Variants in BMAL2 observed in about 807,000 individuals in gnomAD.
The protein encoded by BMAL2 is basic helix-loop-helix ARNT-like protein 2.
At chr12:27,346,879 C>T in the BMAL2 span, among the ~76,000 whole-genome samples, 796 of 152,250 alleles carry the variant, frequency 5.2e-3, 6 homozygotes, top group African/African-American at 0.018. Flanking sequence ...AATAGGTTAA[C>T]GTCCTTCCTT....
chr12:27,366,621 G>A, the BMAL2 span, among the ~76,000 whole-genome samples: 1 of 152,030 alleles, frequency 6.6e-6, no homozygotes, highest in Middle Eastern at 3.4e-3. Flanking sequence ...AACCTCACTT[G>A]AGACAAAAAG....
the BMAL2 span, among the ~76,000 whole-genome samples, chr12:27,352,400 T>C: frequency 6.6e-6 from 1 of 152,200 alleles, no homozygotes; most frequent in African/African-American, 2.4e-5. Flanking sequence ...AAACTAGGCA[T>C]CGAAGGAACA....
chr12:27,402,719 A>T, the BMAL2 span: 1 of 1,523,738 alleles, frequency 6.6e-7, no homozygotes, highest in African/African-American at 1.4e-5. Flanking sequence ...TTACTAAGAC[A>T]TATTATTAAG....
the BMAL2 span, among the ~76,000 whole-genome samples, chr12:27,362,043 G>A: frequency 1.9e-4 from 29 of 151,864 alleles, no homozygotes; most frequent in African/African-American, 2.7e-4. Context: ...AAAAATCTTC[G>A]TTTTATTTCT....
the BMAL2 span, chr12:27,333,045 C>T: frequency 1.7e-6 from 2 of 1,197,504 alleles, no homozygotes; most frequent in Non-Finnish European, 2.1e-6. Context: ...AGCCGCGGGG[C>T]TGCGGAGCCG....
chr12:27,379,117 G>A, the BMAL2 span, among the ~76,000 whole-genome samples: 1 of 152,130 alleles, frequency 6.6e-6, no homozygotes, highest in South Asian at 2.1e-4. Context: ...AGCACAGTTT[G>A]GACAAGCTTA....
At chr12:27,379,285 A>G in the BMAL2 span, among the ~76,000 whole-genome samples, 6 of 152,230 alleles carry the variant, frequency 3.9e-5, no homozygotes, top group African/African-American at 1.4e-4. Flanking sequence ...ATTTCTTGAG[A>G]ATCATTTAGG....
At chr12:27,414,436 G>A in the BMAL2 span, among the ~76,000 whole-genome samples, 1 of 152,184 alleles carries the variant, frequency 6.6e-6, no homozygotes, top group Non-Finnish European at 1.5e-5. Context: ...TTAAGAGCAT[G>A]GAAGTCCTAT....
the BMAL2 span, chr12:27,385,627 T>G: frequency 9.6e-7 from 1 of 1,040,896 alleles, no homozygotes; most frequent in African/African-American, 1.6e-5. Flanking sequence ...GGAGGCAGAT[T>G]TTCTTCCATT....
At chr12:27,397,410 G>A in the BMAL2 span, among the ~76,000 whole-genome samples, 1 of 152,174 alleles carries the variant, frequency 6.6e-6, no homozygotes, top group African/African-American at 2.4e-5. Flanking sequence ...AATGATGAAA[G>A]CCTGTGGTTA....
chr12:27,403,589 T>C, the BMAL2 span: 3 of 1,215,414 alleles, frequency 2.5e-6, no homozygotes, highest in Non-Finnish European at 3.5e-6. Flanking sequence ...AATATCATAT[T>C]TATAAAATCA....
the BMAL2 span, among the ~76,000 whole-genome samples, chr12:27,340,586 G>A: frequency 4.0e-5 from 6 of 151,562 alleles, no homozygotes; most frequent in Non-Finnish European, 8.8e-5. Flanking sequence ...TTGGCTATTC[G>A]GGCTTTTTTT....
chr12:27,344,507 A>G, the BMAL2 span, among the ~76,000 whole-genome samples: 2 of 152,230 alleles, frequency 1.3e-5, no homozygotes, highest in African/African-American at 4.8e-5. Context: ...CCCACAGAGC[A>G]GGTTGTCAGT....
chr12:27,341,203 T>C, the BMAL2 span, among the ~76,000 whole-genome samples: 3,088 of 150,014 alleles, frequency 0.021, 65 homozygotes, highest in Non-Finnish European at 0.029. Flanking sequence ...AGGGGAATGC[T>C]GCCAGCTTTT....
At chr12:27,411,858 A>G in the BMAL2 span, among the ~76,000 whole-genome samples, 1 of 152,056 alleles carries the variant, frequency 6.6e-6, no homozygotes, top group East Asian at 1.9e-4. Flanking sequence ...ATATACTCCA[A>G]TTTATTTATT....
the BMAL2 span, among the ~76,000 whole-genome samples, chr12:27,385,297 G>A: frequency 6.6e-6 from 1 of 152,082 alleles, no homozygotes; most frequent in African/African-American, 2.4e-5. Context: ...CTGGGCAACA[G>A]AGTAAGACTC....
chr12:27,368,320 T>C, the BMAL2 span: 1 of 1,614,046 alleles, frequency 6.2e-7, no homozygotes, highest in Non-Finnish European at 8.5e-7. Flanking sequence ...GCCGCGTGAG[T>C]CCAGGGACAA....
At chr12:27,379,824 G>T in the BMAL2 span, among the ~76,000 whole-genome samples, 1 of 151,780 alleles carries the variant, frequency 6.6e-6, no homozygotes, top group East Asian at 1.9e-4. Flanking sequence ...TTTTCAGGGG[G>T]AAGATACTTG....
the BMAL2 span, among the ~76,000 whole-genome samples, chr12:27,408,738 G>A: frequency 0.011 from 1,604 of 152,242 alleles, 28 homozygotes; most frequent in African/African-American, 0.036. Context: ...TGAAAGTTCT[G>A]GCCAGGGCAA....
Sources: gnomAD v4.1 joint callset for allele counts (sites outside exome capture counted in the v4.1 genomes callset) on GRCh38, gnomAD v4.1.1 for gene constraint, MANE v1.5 for transcripts, NCBI Gene and HGNC (gene_info 2026-07-23, HGNC 2026-07-21) for gene names.